ADAMTS18: variants seen among roughly 807,000 people sequenced by gnomAD.
ADAMTS18 encodes the protein ADAM metallopeptidase with thrombospondin type 1 motif 18.
Under a neutral mutation model 165.9 loss-of-function variants are expected in ADAMTS18, and 157 were observed. That is an observed-to-expected ratio of 0.95 (90% CI 0.83 to 1.08). The LOEUF is 1.08. Among genes scored for constraint, ADAMTS18 ranks in the 50% least tolerant of loss-of-function variants. ADAMTS18 has a pLI of 0.00. For missense variants in ADAMTS18, 2,040 were observed against 1,534.0 expected (o/e 1.33, Z -5.51); for synonymous variants, 782 against 578.2 (o/e 1.35, Z -5.06).
At chr16:77,286,447 C>T (rs2055252736) in intron 22 of ADAMTS18, among the ~76,000 whole-genome samples, 1 of 152,144 alleles carries the variant, frequency 6.6e-6, no homozygotes, top group Non-Finnish European at 1.5e-5. Flanking sequence ...GTTTCTGGTT[C>T]ACAGTAAGCA....
At chr16:77,397,834 G>A (rs180811812) in intron 3 of ADAMTS18, among the ~76,000 whole-genome samples, 13 of 152,288 alleles carry the variant, frequency 8.5e-5, no homozygotes, top group African/African-American at 1.2e-4. Flanking sequence ...CTGAAAAACT[G>A]AAGACAGTAA....
At chr16:77,359,829 G>C (rs1015224949) in intron 7 of ADAMTS18, among the ~76,000 whole-genome samples, 3 of 152,174 alleles carry the variant, frequency 2.0e-5, no homozygotes, top group Non-Finnish European at 4.4e-5. Flanking sequence ...TGGCATTAAC[G>C]TCACAGCTCA....
chr16:77,426,347 A>G (rs1051259260), intron 3 of ADAMTS18, among the ~76,000 whole-genome samples: 2 of 150,706 alleles, frequency 1.3e-5, no homozygotes, highest in South Asian at 2.1e-4. Context: ...TGCTCCTTGG[A>G]AAAAAAAAAT....
chr16:77,419,650 A>C (rs774414005), intron 3 of ADAMTS18, among the ~76,000 whole-genome samples: 2 of 152,122 alleles, frequency 1.3e-5, no homozygotes, highest in Non-Finnish European at 2.9e-5. Context: ...CTTCCCAGAA[A>C]TAGACTGAAT....
At chr16:77,400,478 GTGTTTTGTTTTT>G (rs1469557043) in intron 3 of ADAMTS18, among the ~76,000 whole-genome samples, 2 of 119,808 alleles carry the variant, frequency 1.7e-5, no homozygotes, top group African/African-American at 5.9e-5. Flanking sequence ...GTGTGTGTGT[GTGTTTTGTTTTT>G]TTTTTTTTTG....
intron 3 of ADAMTS18, among the ~76,000 whole-genome samples, chr16:77,416,919 G>A (rs1288062903): frequency 1.3e-5 from 2 of 152,180 alleles, no homozygotes; most frequent in Non-Finnish European, 2.9e-5. Flanking sequence ...AATTGCGCAT[G>A]TTTTTAACTG....
At position 77,297,351 on chromosome 16, in the gene ADAMTS18, G is replaced by A. The variant is rs756355965; in HGVS notation, c.2739C>T (p.Cys913=). The A allele has an allele frequency of 2.0e-5, 33 of 1,613,802 alleles. No individual in the cohort carries two copies. Among genetic ancestry groups the A allele is most frequent in the Non-Finnish European group, 2.7e-5 (32 of 1,179,824 alleles). ...CAGTTACTGGCTTGGTTTTTGCACT[G>A]CAGAATGAGGAATTGACTTGAGTAT... is the stretch of plus-strand genomic sequence containing the variant. The part of the protein sequence containing the change: ...DQNTQVNSSF[C]SAKTKPVTEP... Residue 913 remains cysteine (C), a synonymous_variant, in exon 18 of 23, where the codon TGC becomes TGT. Coordinates refer to ENST00000282849, the MANE Select transcript of ADAMTS18 (RefSeq NM_199355.4).
chr16:77,295,995 A>G (rs529379147), intron 18 of ADAMTS18, among the ~76,000 whole-genome samples: 1 of 134,056 alleles, frequency 7.5e-6, no homozygotes, highest in East Asian at 2.2e-4. Flanking sequence ...TATTATTTAC[A>G]AGAAAAAAAA....
intron 16 of ADAMTS18, among the ~76,000 whole-genome samples, chr16:77,301,753 A>G (rs939195215): frequency 3.4e-5 from 5 of 145,222 alleles, no homozygotes; most frequent in African/African-American, 1.2e-4. Flanking sequence ...CAGGAGTATT[A>G]TGACTAACTC....
chr16:77,404,665 C>G (rs949490869), intron 3 of ADAMTS18, among the ~76,000 whole-genome samples: 3 of 152,092 alleles, frequency 2.0e-5, no homozygotes, highest in Non-Finnish European at 4.4e-5. Context: ...TTCCCTAAAC[C>G]CAAACCACGT....
At chr16:77,347,305 G>C (rs2056491978) in intron 10 of ADAMTS18, among the ~76,000 whole-genome samples, 1 of 152,104 alleles carries the variant, frequency 6.6e-6, no homozygotes, top group Non-Finnish European at 1.5e-5. Context: ...ATTTATTTCA[G>C]GTAGATACCA....
intron 3 of ADAMTS18, among the ~76,000 whole-genome samples, chr16:77,377,828 G>A (rs2056974502): frequency 6.6e-6 from 1 of 152,136 alleles, no homozygotes; most frequent in South Asian, 2.1e-4. Context: ...TGCCCAACAT[G>A]TACAAGAATA....
intron 21 of ADAMTS18, chr16:77,290,984 C>CAACAGCAATGACCAACATTAGA: frequency 5.1e-6 from 2 of 388,562 alleles, no homozygotes; most frequent in East Asian, 5.6e-5. Flanking sequence ...CCAACATTAG[C>CAACAGCAATGACCAACATTAGA]AGTGTATAAC....
intron 12 of ADAMTS18, among the ~76,000 whole-genome samples, chr16:77,327,398 C>G (rs147444379): frequency 6.3e-4 from 96 of 152,238 alleles, no homozygotes; most frequent in African/African-American, 2.1e-3. Context: ...ATCCTCATAC[C>G]TTAGCTCCCA....
chr16:77,393,115 G>C (rs185855152), intron 3 of ADAMTS18, among the ~76,000 whole-genome samples: 17 of 152,286 alleles, frequency 1.1e-4, no homozygotes, highest in Admixed American at 1.0e-3. Flanking sequence ...AAAACTGAAA[G>C]AGTACCCAGG....
chr16:77,364,619 T>A (rs1432689060), intron 4 of ADAMTS18, among the ~76,000 whole-genome samples: 1 of 146,252 alleles, frequency 6.8e-6, no homozygotes, highest in Non-Finnish European at 1.5e-5. Flanking sequence ...ATGGACAGGA[T>A]AGATGGATGG....
chr16:77,334,784 C>CTATATACTAT (rs1567492048), intron 12 of ADAMTS18, among the ~76,000 whole-genome samples: 2 of 94,542 alleles, frequency 2.1e-5, no homozygotes, highest in African/African-American at 8.0e-5. Context: ...CTATAGTATA[C>CTATATACTAT]AGTAAATATA....
intron 10 of ADAMTS18, among the ~76,000 whole-genome samples, chr16:77,342,929 G>T (rs2056420937): frequency 2.0e-5 from 3 of 152,126 alleles, no homozygotes; most frequent in Non-Finnish European, 4.4e-5. Context: ...AAAGACCTAG[G>T]AGAATGTTGC....
intron 12 of ADAMTS18, among the ~76,000 whole-genome samples, chr16:77,333,606 A>G (rs75716007): frequency 0.01 from 1,581 of 151,832 alleles, 34 homozygotes; most frequent in African/African-American, 0.036. Context: ...GGAATACCCC[A>G]AAGAAGGGAA....
Sources: gnomAD v4.1 joint callset for allele counts (sites outside exome capture counted in the v4.1 genomes callset) on GRCh38, gnomAD v4.1.1 for gene constraint, MANE v1.5 for transcripts, NCBI Gene and HGNC (gene_info 2026-07-23, HGNC 2026-07-21) for gene names.